Variants in PLPP1 observed in about 807,000 individuals in gnomAD.
PLPP1 encodes the protein phospholipid phosphatase 1, also known as lipid phosphate phosphohydrolase 1a.
In PLPP1, 24 loss-of-function variants were observed where a neutral mutation model predicts 31.2. The ratio of observed to expected loss-of-function variants is 0.77; its 90% CI spans 0.56 to 1.08. The LOEUF (loss-of-function observed/expected upper bound fraction) is 1.08. Ranked by LOEUF, PLPP1 falls within the 50% of genes least tolerant of loss-of-function variation. The pLI is 0.00. For synonymous variants in PLPP1, 146 were observed against 126.3 expected, an observed-to-expected ratio of 1.16 and a Z score of -1.05; for missense variants, 319 against 342.7, an observed-to-expected ratio of 0.93 and a Z score of 0.55.
chr5:55,521,894 A>C (rs1442667565), intron 1 of PLPP1, among the ~76,000 whole-genome samples: 1 of 152,206 alleles, frequency 6.6e-6, no homozygotes, highest in Non-Finnish European at 1.5e-5. Context: ...CATTCAATAG[A>C]TAATAGCTTT....
chr5:55,439,135 T>C (rs186696134), intron 4 of PLPP1, among the ~76,000 whole-genome samples: 63 of 152,280 alleles, frequency 4.1e-4, no homozygotes, highest in African/African-American at 1.5e-3. Context: ...ATCTGTTAAA[T>C]CAAACTAAAA....
chr5:55,526,024 A>T (rs975253873), intron 1 of PLPP1, among the ~76,000 whole-genome samples: 25 of 152,196 alleles, frequency 1.6e-4, no homozygotes. Context: ...ATTACATGTT[A>T]ATCAGTTCAC....
At chr5:55,476,213 A>T (rs1752548163) in intron 1 of PLPP1, among the ~76,000 whole-genome samples, 1 of 151,546 alleles carries the variant, frequency 6.6e-6, no homozygotes, top group African/African-American at 2.4e-5. Flanking sequence ...GACGAGGTCT[A>T]GCTATGTTGC....
At chr5:55,434,018 A>T (rs188698328) in intron 4 of PLPP1, among the ~76,000 whole-genome samples, 1 of 151,840 alleles carries the variant, frequency 6.6e-6, no homozygotes, top group East Asian at 2.0e-4. Flanking sequence ...AATCCTAGCT[A>T]CTGGGAAGGC....
intron 1 of PLPP1, among the ~76,000 whole-genome samples, chr5:55,528,826 T>C (rs894614426): frequency 5.3e-5 from 8 of 152,314 alleles, no homozygotes; most frequent in African/African-American, 1.9e-4. Flanking sequence ...GCATAAACAA[T>C]GTATATTAGT....
chr5:55,501,021 A>C (rs1041115358), intron 1 of PLPP1, among the ~76,000 whole-genome samples: 3 of 152,204 alleles, frequency 2.0e-5, no homozygotes, highest in Admixed American at 6.5e-5. Context: ...TACTCTGTTA[A>C]AACACAAAGC....
chr5:55,529,786 GCTA>G (rs1232111727), intron 1 of PLPP1, among the ~76,000 whole-genome samples: 1 of 152,034 alleles, frequency 6.6e-6, no homozygotes, highest in African/African-American at 2.4e-5. Flanking sequence ...TTCAAAATTT[GCTA>G]CTGTGTGTTT....
At chr5:55,476,512 T>A (rs1163136164) in intron 1 of PLPP1, among the ~76,000 whole-genome samples, 1 of 152,260 alleles carries the variant, frequency 6.6e-6, no homozygotes, top group East Asian at 1.9e-4. Context: ...ACCTACTGAT[T>A]AATACTACAG....
intron 3 of PLPP1, among the ~76,000 whole-genome samples, chr5:55,462,608 T>C (rs1290970769): frequency 6.6e-6 from 1 of 151,958 alleles, no homozygotes; most frequent in African/African-American, 2.4e-5. Context: ...GCAAAAACCA[T>C]AAAAGAAAAA....
chr5:55,506,118 C>T (rs957573917), intron 1 of PLPP1, among the ~76,000 whole-genome samples: 3 of 151,780 alleles, frequency 2.0e-5, no homozygotes, highest in African/African-American at 7.3e-5. Context: ...AAACTAAAAG[C>T]AATATAGAAC....
chr5:55,521,965 G>A (rs1753679396), intron 1 of PLPP1, among the ~76,000 whole-genome samples: 1 of 152,146 alleles, frequency 6.6e-6, no homozygotes, highest in Non-Finnish European at 1.5e-5. Context: ...TACTACTGAT[G>A]CAAATGAACC....
At chr5:55,530,495 C>G in intron 1 of PLPP1, 1 of 1,209,342 alleles carries the variant, frequency 8.3e-7, no homozygotes, top group South Asian at 1.2e-5. Context: ...ATGTTTCACT[C>G]CTATTGCTGT....
intron 3 of PLPP1, among the ~76,000 whole-genome samples, chr5:55,444,831 C>A (rs144593152): frequency 2.0e-5 from 3 of 150,278 alleles, no homozygotes; most frequent in Admixed American, 1.3e-4. Context: ...CTCACTGCCA[C>A]CTCTGCCTCC....
intron 3 of PLPP1, among the ~76,000 whole-genome samples, chr5:55,453,671 T>C (rs1751942021): frequency 6.6e-6 from 1 of 152,232 alleles, no homozygotes; most frequent in Admixed American, 6.5e-5. Context: ...CGGATACCGT[T>C]GGCTCCCACC....
At chr5:55,525,328 A>G (rs142450548) in intron 1 of PLPP1, among the ~76,000 whole-genome samples, 1 of 152,322 alleles carries the variant, frequency 6.6e-6, no homozygotes, top group East Asian at 1.9e-4. Context: ...TTATATAGCT[A>G]AAGAATACAG....
chr5:55,476,956 A>G (rs1326580007), intron 1 of PLPP1, among the ~76,000 whole-genome samples: 1 of 152,172 alleles, frequency 6.6e-6, no homozygotes, highest in African/African-American at 2.4e-5. Context: ...TCAATTTGCC[A>G]ATAGCTGTCA....
chr5:55,524,246 A>G lies in PLPP1; in HGVS notation c.58+10326T>C, dbSNP rs189311654. Among the ~76,000 whole-genome samples the G allele has an allele frequency of 2.6e-5, 4 of 152,244 alleles. No individual in the cohort carries two copies. In the East Asian group the frequency reaches 7.7e-4, roughly 29 times the overall value. ...GGCACACATAAAACACACTAACACT[A>G]ACAATAGCCAATGAGCTTAAAAAAA... is the stretch of plus-strand genomic sequence containing the variant. On this transcript the variant is annotated intron_variant, in intron 1 of 5. Transcript: ENST00000307259.
At chr5:55,473,527 T>C (rs1332699022) in intron 2 of PLPP1, among the ~76,000 whole-genome samples, 2 of 152,194 alleles carry the variant, frequency 1.3e-5, no homozygotes, top group Non-Finnish European at 2.9e-5. Flanking sequence ...TCTTAAGACA[T>C]TTCTAAATTA....
At chr5:55,439,805 G>C (rs1306364685) in intron 4 of PLPP1, among the ~76,000 whole-genome samples, 1 of 152,176 alleles carries the variant, frequency 6.6e-6, no homozygotes, top group Non-Finnish European at 1.5e-5. Context: ...GATGAAGTAT[G>C]GAATATGTTA....
Sources: gnomAD v4.1 joint callset for allele counts (sites outside exome capture counted in the v4.1 genomes callset) on GRCh38, gnomAD v4.1.1 for gene constraint, MANE v1.5 for transcripts, NCBI Gene and HGNC (gene_info 2026-07-23, HGNC 2026-07-21) for gene names.